PAX5: variants seen among roughly 807,000 people sequenced by gnomAD.
The protein encoded by PAX5 is paired box 5.
A neutral mutation model predicts 43.7 loss-of-function variants in PAX5; 9 were observed. That is an observed-to-expected ratio of 0.21 (90% CI 0.12 to 0.36). The LOEUF is 0.36. Ranked by LOEUF, PAX5 falls within the 10% of genes least tolerant of loss-of-function variation. The pLI is 1.00. For missense variants in PAX5, 383 were observed against 532.7 expected (o/e 0.72, Z 2.77); for synonymous variants, 228 against 214.3 (o/e 1.06, Z -0.56).
chr9:36,915,463 T>C (rs1273484991), intron 7 of PAX5, among the ~76,000 whole-genome samples: 2 of 152,234 alleles, frequency 1.3e-5, no homozygotes, highest in African/African-American at 4.8e-5. Context: ...CACGTTTTCA[T>C]ATACTGCTGG....
chr9:36,923,078 T>C, intron 7 of PAX5: 1 of 385,126 alleles, frequency 2.6e-6, no homozygotes, highest in Non-Finnish European at 4.7e-6. Flanking sequence ...CGGGGGCCCC[T>C]CTGGCATGAG....
chr9:36,939,964 C>G (rs1200859014), intron 6 of PAX5, among the ~76,000 whole-genome samples: 3 of 152,208 alleles, frequency 2.0e-5, no homozygotes, highest in African/African-American at 4.8e-5. Context: ...CTGGGGCTGC[C>G]TAGTCCCCTG....
At chr9:37,008,410 T>C (rs7032647) in intron 3 of PAX5, among the ~76,000 whole-genome samples, 87,609 of 152,072 alleles carry the variant, frequency 0.58, 25,537 homozygotes, top group Middle Eastern at 0.81. Context: ...TGAGAAGCTT[T>C]TTCACATTCC....
At chr9:36,995,024 T>G (rs1837274269) in intron 5 of PAX5, among the ~76,000 whole-genome samples, 1 of 151,864 alleles carries the variant, frequency 6.6e-6, no homozygotes, top group Non-Finnish European at 1.5e-5. Flanking sequence ...TGAGGGGACA[T>G]GTAGACACCT....
At chr9:36,915,344 A>G (rs73453283) in intron 7 of PAX5, among the ~76,000 whole-genome samples, 2,510 of 152,330 alleles carry the variant, frequency 0.016, 75 homozygotes, top group African/African-American at 0.058. Flanking sequence ...GTGTGAAAAG[A>G]TAAGTTTCTC....
intron 6 of PAX5, among the ~76,000 whole-genome samples, chr9:36,957,588 C>A (rs543274001): frequency 8.9e-4 from 136 of 152,294 alleles, no homozygotes; most frequent in African/African-American, 3.2e-3. Context: ...CAAACTCTGT[C>A]AGCCTTTGGA....
At position 37,015,728 on chromosome 9, in the gene PAX5, T is replaced by G. The variant is rs191812853; in HGVS notation, c.213-534A>C. ...CCGAGTAGCTGGGATTACAGGCATG[T>G]GCCACCATGCCCAGCTAATTTTGTA... On this transcript the variant is annotated intron_variant, in intron 2 of 9. Transcript: ENST00000358127. The surrounding 1 kb of genome is among the most constrained non-coding windows in gnomAD (Gnocchi z 4.4). Among the ~76,000 whole-genome samples, 1,727 of 152,208 alleles carry G rather than the reference T, an allele frequency of 0.011. 26 individuals are homozygous for G. The highest frequency in any genetic ancestry group is 0.032 in the African/African-American group (1,328 of 41,518).
intron 8 of PAX5, among the ~76,000 whole-genome samples, chr9:36,855,337 G>A (rs1371162149): frequency 6.6e-6 from 1 of 152,186 alleles, no homozygotes; most frequent in Non-Finnish European, 1.5e-5. Flanking sequence ...CTTTCTTTCT[G>A]TAACCTGCCT....
intron 1 of PAX5, among the ~76,000 whole-genome samples, chr9:37,021,095 T>A (rs1256179316): frequency 6.6e-6 from 1 of 152,212 alleles, no homozygotes. Flanking sequence ...TGTGTGAAGA[T>A]CTCAATGTAA....
At chr9:36,980,550 T>G (rs566179541) in intron 5 of PAX5, among the ~76,000 whole-genome samples, 1 of 152,172 alleles carries the variant, frequency 6.6e-6, no homozygotes, top group South Asian at 2.1e-4. Context: ...CCCCAGTCTC[T>G]GTTCCAGTCA....
At chr9:36,972,321 G>C (rs142039699) in intron 5 of PAX5, among the ~76,000 whole-genome samples, 1 of 152,152 alleles carries the variant, frequency 6.6e-6, no homozygotes, top group African/African-American at 2.4e-5. Context: ...CAGCAGTCCC[G>C]GGTTCTAGCC....
intron 6 of PAX5, among the ~76,000 whole-genome samples, chr9:36,924,780 GAAAA>G (rs1830490834): frequency 2.5e-5 from 1 of 39,560 alleles, no homozygotes; most frequent in Non-Finnish European, 4.9e-5. Context: ...AGGAAGGAAG[GAAAA>G]GAGAAAGGGA....
chr9:36,845,522 T>C (rs1486325825), intron 9 of PAX5, among the ~76,000 whole-genome samples: 3 of 152,232 alleles, frequency 2.0e-5, no homozygotes, highest in African/African-American at 7.2e-5. Context: ...CCACAGATAA[T>C]AAGAAGCTAG....
chr9:36,934,361 G>A (rs536955457), intron 6 of PAX5, among the ~76,000 whole-genome samples: 6 of 152,318 alleles, frequency 3.9e-5, no homozygotes, highest in Non-Finnish European at 8.8e-5. Context: ...CTTTGAAAAT[G>A]TCTACTGAAA....
chr9:36,864,840 C>G (rs548774656), intron 8 of PAX5, among the ~76,000 whole-genome samples: 1 of 152,182 alleles, frequency 6.6e-6, no homozygotes, highest in African/African-American at 2.4e-5. Flanking sequence ...GCGCCGGAGC[C>G]GGGCTGTCAG....
intron 2 of PAX5, among the ~76,000 whole-genome samples, chr9:37,017,578 A>T (rs1461345233): frequency 6.6e-6 from 1 of 152,276 alleles, no homozygotes; most frequent in East Asian, 1.9e-4. Flanking sequence ...GGAAGGGGTT[A>T]CAGACATTTA....
At chr9:37,022,273 G>T (rs1360323115) in intron 1 of PAX5, among the ~76,000 whole-genome samples, 1 of 152,126 alleles carries the variant, frequency 6.6e-6, no homozygotes, top group African/African-American at 2.4e-5. Flanking sequence ...TGTTCTAAAA[G>T]ACATAAGAAA....
At chr9:36,895,571 G>T (rs1171599217) in intron 7 of PAX5, among the ~76,000 whole-genome samples, 2 of 152,172 alleles carry the variant, frequency 1.3e-5, no homozygotes, top group Admixed American at 6.5e-5. Flanking sequence ...TGCTTAAAAG[G>T]ATTCAAGACT....
chr9:36,990,510 G>C (rs1364838913), intron 5 of PAX5, among the ~76,000 whole-genome samples: 50 of 152,332 alleles, frequency 3.3e-4, no homozygotes, highest in African/African-American at 1.2e-3. Flanking sequence ...GCAAGTCATT[G>C]ATCAGAATTT....
Sources: gnomAD v4.1 joint callset for allele counts (sites outside exome capture counted in the v4.1 genomes callset) on GRCh38, gnomAD v4.1.1 for gene constraint, Gnocchi (gnomAD v3.1) non-coding constraint, MANE v1.5 for transcripts, NCBI Gene and HGNC (gene_info 2026-07-23, HGNC 2026-07-21) for gene names.